The following SNX2 variants were observed in gnomAD, a reference collection of about 807,000 sequenced individuals.
SNX2 encodes sorting nexin 2.
SNX2 carries 25 observed loss-of-function variants against 69.9 expected under a neutral mutation model. That is an observed-to-expected ratio of 0.36 (90% CI 0.26 to 0.50). SNX2 has a LOEUF of 0.50. Among genes scored for constraint, SNX2 ranks in the 20% least tolerant of loss-of-function variants. The probability of loss-of-function intolerance (pLI) is 0.97; values close to 1 mark genes in which losing one functional copy is unlikely to be tolerated. For synonymous variants in SNX2, 229 were observed against 200.4 expected (o/e 1.14, Z -1.20); for missense variants, 551 against 613.3 (o/e 0.90, Z 1.07).
chr5:122,815,463 T>C (rs908492357), intron 7 of SNX2: 10 of 152,378 alleles, frequency 6.6e-5, no homozygotes, highest in African/African-American at 2.2e-4. Flanking sequence ...CTGATGATAA[T>C]AGCAGTTTAA....
chr5:122,803,298 A>G (rs1013419572), intron 5 of SNX2, among the ~76,000 whole-genome samples, 174 bp from the exon 6 acceptor site: 2 of 124,364 alleles, frequency 1.6e-5, no homozygotes, highest in Non-Finnish European at 3.3e-5. Flanking sequence ...TCTGTAAAAT[A>G]CATCTATGGT....
At chr5:122,824,512 T>A (rs1754110500) in intron 11 of SNX2, among the ~76,000 whole-genome samples, 2 of 152,162 alleles carry the variant, frequency 1.3e-5, no homozygotes, top group South Asian at 4.1e-4. Flanking sequence ...TAAGAAAAAT[T>A]ATCTGAGAAG....
chr5:122,808,242 A>C, intron 6 of SNX2, 35 bp from the exon 7 acceptor site: 1 of 1,331,636 alleles, frequency 7.5e-7, no homozygotes. Flanking sequence ...ACAGCAATAT[A>C]AAGTCATCAT....
intron 6 of SNX2, among the ~76,000 whole-genome samples, chr5:122,806,045 G>A (rs1033888970): frequency 6.6e-6 from 1 of 151,742 alleles, no homozygotes; most frequent in African/African-American, 2.4e-5. Flanking sequence ...CTCCCAAAAT[G>A]CTGGGATTAC....
chr5:122,817,845 CT>C (rs1753935004), intron 10 of SNX2, among the ~76,000 whole-genome samples: 1 of 151,908 alleles, frequency 6.6e-6, no homozygotes, highest in African/African-American at 2.4e-5. Flanking sequence ...GAAGTATTTT[CT>C]TCATTTTTGA....
At chr5:122,786,821 C>T (rs1753101922) in intron 1 of SNX2, among the ~76,000 whole-genome samples, 1 of 151,932 alleles carries the variant, frequency 6.6e-6, no homozygotes, top group African/African-American at 2.4e-5. Context: ...CTTTTAGTGT[C>T]AGTCTGTTGG....
chr5:122,782,533 C>T (rs957452985), intron 1 of SNX2, among the ~76,000 whole-genome samples: 7 of 151,356 alleles, frequency 4.6e-5, no homozygotes, highest in African/African-American at 1.7e-4. Flanking sequence ...GCCATCACGC[C>T]CGGCCTATTT....
chr5:122,810,101 T>C (rs140454677), intron 7 of SNX2, among the ~76,000 whole-genome samples: 2 of 150,316 alleles, frequency 1.3e-5, no homozygotes, highest in African/African-American at 2.5e-5. Flanking sequence ...TGTGACCTTA[T>C]CCCCAACCCT....
At chr5:122,797,230 A>T (rs1753400690) in intron 2 of SNX2, among the ~76,000 whole-genome samples, 1 of 152,240 alleles carries the variant, frequency 6.6e-6, no homozygotes, top group African/African-American at 2.4e-5. Context: ...GCCCAGCCAG[A>T]AAAATCTTCA....
intron 7 of SNX2, among the ~76,000 whole-genome samples, chr5:122,811,804 C>A (rs536720452): frequency 6.7e-6 from 1 of 148,490 alleles, no homozygotes; most frequent in South Asian, 2.1e-4. Context: ...TCCAGCCTGT[C>A]GACAGAGTGA....
chr5:122,812,276 C>G (rs534114364), intron 7 of SNX2, among the ~76,000 whole-genome samples: 29 of 152,318 alleles, frequency 1.9e-4, no homozygotes, highest in Non-Finnish European at 2.9e-4. Flanking sequence ...ATATGACCTG[C>G]ACGCCTCACT....
At chr5:122,823,182 A>G (rs952181919) in intron 11 of SNX2, among the ~76,000 whole-genome samples, 2 of 151,510 alleles carry the variant, frequency 1.3e-5, no homozygotes, top group African/African-American at 4.9e-5. Flanking sequence ...TGGTTCTACT[A>G]GAGTGGATTA....
At position 122,830,985 on chromosome 5, in the gene SNX2, G is replaced by A. The variant is rs1328985875; in HGVS notation, c.*1337G>A. On this transcript the variant is annotated 3_prime_UTR_variant, in exon 15 of 15. Transcript: ENST00000379516. Reference sequence around the variant, plus strand: ...GATCATGCCGTTGCACGCCAGCCTAGGCAACAAAAGCAAAACTCCATCTCA... The same window carrying A: ...GATCATGCCGTTGCACGCCAGCCTAAGCAACAAAAGCAAAACTCCATCTCA... 3.1e-5 allele frequency among the ~76,000 whole-genome samples: 3 copies of A among 96,752 alleles called. No individual in the cohort carries two copies. The highest frequency in any genetic ancestry group is 5.7e-5 in the Non-Finnish European group (3 of 52,548). The allele number at this position is 96,752 out of a possible 152,430, so 63.5% of individuals were successfully genotyped here.
intron 1 of SNX2, among the ~76,000 whole-genome samples, chr5:122,789,794 G>C (rs1264114249): frequency 6.6e-6 from 1 of 152,152 alleles, no homozygotes; most frequent in East Asian, 1.9e-4. Flanking sequence ...AAAACTATTA[G>C]AGAAAAGAGG....
At chr5:122,784,828 G>A (rs74358330) in intron 1 of SNX2, among the ~76,000 whole-genome samples, 3,401 of 152,214 alleles carry the variant, frequency 0.022, 135 homozygotes, top group African/African-American at 0.078. Context: ...TTCCCTAAAT[G>A]TTGATAGAAT....
intron 1 of SNX2, among the ~76,000 whole-genome samples, chr5:122,784,055 A>G (rs1193015262): frequency 6.6e-6 from 1 of 151,728 alleles, no homozygotes; most frequent in Non-Finnish European, 1.5e-5. Context: ...ATTACTTTTT[A>G]TATTTCCCCT....
chr5:122,799,893 A>G (rs1753471827), intron 3 of SNX2, 38 bp downstream of exon 3: 1 of 1,517,098 alleles, frequency 6.6e-7, no homozygotes, highest in East Asian at 2.3e-5. Flanking sequence ...ATGTAAATAT[A>G]TACCTTTTTT....
chr5:122,801,874 A>G lies in SNX2; in HGVS notation c.396A>G (p.Glu132=). 1.3e-6 allele frequency: 2 copies of G among 1,585,016 alleles called. No individual in the cohort carries two copies. The highest frequency in any genetic ancestry group is 1.7e-6 in the Non-Finnish European group (2 of 1,158,280). ...AAATAATTTATACTTTCTAGATTGA[A>G]GAAGAAGCAAATGGAGACATTTTTG... ...VIFDRSREEI[E]EEANGDIFDI... The change falls in exon 4 of 15, where the codon GAA becomes GAG. Residue 132 remains glutamate, a synonymous_variant. Transcript: ENST00000379516.
At chr5:122,793,813 T>C (rs1753305229) in intron 1 of SNX2, among the ~76,000 whole-genome samples, 1 of 150,512 alleles carries the variant, frequency 6.6e-6, no homozygotes, top group Non-Finnish European at 1.5e-5. Flanking sequence ...CTCAGGAGGC[T>C]GAGGCAGAAG....
Sources: allele counts gnomAD v4.1 joint callset (sites outside exome capture counted in the v4.1 genomes callset), GRCh38; gene constraint gnomAD v4.1.1; transcripts MANE v1.5; gene names NCBI Gene and HGNC (gene_info 2026-07-23, HGNC 2026-07-21).